Variants in HECW2 observed in about 807,000 individuals in gnomAD.
HECW2 encodes HECT, C2 and WW domain containing E3 ubiquitin protein ligase 2.
In HECW2, 61 loss-of-function variants were observed where a neutral mutation model predicts 175.2. That is an observed-to-expected ratio of 0.35 (90% CI 0.28 to 0.43). The LOEUF (loss-of-function observed/expected upper bound fraction) is 0.43. Among genes scored for constraint, HECW2 ranks in the 20% least tolerant of loss-of-function variants. The pLI, the probability that HECW2 is intolerant of heterozygous loss-of-function variation, is 1.00. For missense variants in HECW2, 1,524 were observed against 2,000.5 expected (o/e 0.76, Z 4.54); for synonymous variants, 671 against 731.0 (o/e 0.92, Z 1.32).
At chr2:196,370,095 T>G (rs1161727824) in intron 2 of HECW2, among the ~76,000 whole-genome samples, 2 of 151,680 alleles carry the variant, frequency 1.3e-5, no homozygotes, top group Non-Finnish European at 1.5e-5. Context: ...AAGGAGTCCC[T>G]CCCCTTAGCT....
chr2:196,294,971 A>C (rs976749602), intron 13 of HECW2, among the ~76,000 whole-genome samples: 2 of 152,234 alleles, frequency 1.3e-5, no homozygotes, highest in Non-Finnish European at 2.9e-5. Context: ...GTCATTAAAT[A>C]CTTGTTCCCT....
intron 21 of HECW2, among the ~76,000 whole-genome samples, chr2:196,230,013 G>C (rs1687992874): frequency 6.6e-6 from 1 of 152,196 alleles, no homozygotes; most frequent in Non-Finnish European, 1.5e-5. Context: ...ATACTGTGCT[G>C]ACAGGGAACC....
intron 1 of HECW2, among the ~76,000 whole-genome samples, chr2:196,554,357 G>A (rs1343198548): frequency 6.6e-6 from 1 of 152,186 alleles, no homozygotes; most frequent in African/African-American, 2.4e-5. Context: ...AATTATGATG[G>A]CAAAAAACAA....
Position 196,307,206 on chromosome 2 carries a change from G to C in HECW2, c.2613C>G (p.Thr871=). The change falls in exon 12 of 29, where the codon ACC becomes ACG. Residue 871 remains threonine, a synonymous_variant. Coordinates refer to ENST00000644978, the MANE Select transcript of HECW2 (RefSeq NM_001348768.2). ...RRYQSIRRTM[T]NERPEENTNA... is the part of the protein sequence containing the mutation. ...TGGTATTTTCCTCAGGCCTCTCATT[G>C]GTCATGGTTCTGCGGATACTCTGAT... 1.2e-6 allele frequency: 2 copies of C among 1,613,378 alleles called. No individual in the cohort carries two copies. The highest frequency in any genetic ancestry group is 8.5e-7 in the Non-Finnish European group (1 of 1,179,380).
At chr2:196,280,897 G>A (rs1415161249) in intron 14 of HECW2, among the ~76,000 whole-genome samples, 2 of 152,296 alleles carry the variant, frequency 1.3e-5, no homozygotes, top group East Asian at 1.9e-4. Flanking sequence ...TCCTCTGTAT[G>A]TAAATGGAGA....
At chr2:196,418,595 G>A (rs1695323302) in intron 2 of HECW2, among the ~76,000 whole-genome samples, 1 of 152,150 alleles carries the variant, frequency 6.6e-6, no homozygotes, top group African/African-American at 2.4e-5. Context: ...ATCTATGACT[G>A]CTTAGAGCAA....
chr2:196,238,470 T>G (rs2105873238), intron 21 of HECW2: 1 of 150,558 alleles, frequency 6.6e-6, no homozygotes, highest in African/African-American at 2.4e-5. Flanking sequence ...TTTATTTTTT[T>G]TAGCTTTCTA....
At chr2:196,257,657 T>C in intron 18 of HECW2, 166 bp downstream of exon 18, 1 of 594,294 alleles carries the variant, frequency 1.7e-6, no homozygotes. Context: ...CAACGTGAAG[T>C]GAATGATCAC....
intron 1 of HECW2, among the ~76,000 whole-genome samples, chr2:196,461,784 G>T (rs1696754640): frequency 6.6e-6 from 1 of 152,064 alleles, no homozygotes; most frequent in Admixed American, 6.6e-5. Context: ...AACGTCATGA[G>T]AACAGCATGG....
chr2:196,567,100 G>C lies in HECW2; in HGVS notation c.-36+26408C>G, dbSNP rs74540529. Among the ~76,000 whole-genome samples, 291 of 152,254 alleles carry C rather than the reference G, an allele frequency of 1.9e-3. 4 individuals are homozygous for C. Among genetic ancestry groups the C allele is most frequent in the African/African-American group, 6.7e-3 (277 of 41,546 alleles). On this transcript the variant is annotated intron_variant, in intron 1 of 28. Transcript: ENST00000644978. ...GATGAAATGTTAGTGGAAGTAACATGCCATTTCCACATCTTGTGCTTCCCT... is the reference window on the plus strand; with the variant it reads ...GATGAAATGTTAGTGGAAGTAACATCCCATTTCCACATCTTGTGCTTCCCT...
chr2:196,332,315 T>A (rs1465849085), intron 4 of HECW2, among the ~76,000 whole-genome samples: 1 of 152,228 alleles, frequency 6.6e-6, no homozygotes, highest in Admixed American at 6.5e-5. Flanking sequence ...TATACCTAGA[T>A]GACCATCATG....
At chr2:196,238,697 G>A (rs957933394) in intron 21 of HECW2, 3 of 152,184 alleles carry the variant, frequency 2.0e-5, no homozygotes, top group Non-Finnish European at 4.4e-5. Context: ...CCTCTCCCTT[G>A]TTTTCCCTCC....
At chr2:196,261,542 C>T (rs1006788120) in intron 17 of HECW2, among the ~76,000 whole-genome samples, 3 of 152,174 alleles carry the variant, frequency 2.0e-5, no homozygotes, top group Admixed American at 2.0e-4. Context: ...CAAGGAGGCA[C>T]ATGCTAGGCC....
intron 2 of HECW2, among the ~76,000 whole-genome samples, chr2:196,365,510 T>C (rs1693719415): frequency 6.6e-6 from 1 of 152,204 alleles, no homozygotes. Context: ...GAACCCTGTG[T>C]TCCTAAAGCA....
intron 2 of HECW2, among the ~76,000 whole-genome samples, chr2:196,418,290 A>G (rs1440173388): frequency 6.6e-6 from 1 of 151,932 alleles, no homozygotes; most frequent in East Asian, 1.9e-4. Context: ...CACCACACCC[A>G]GCTAATTTTT....
intron 13 of HECW2, among the ~76,000 whole-genome samples, chr2:196,306,261 G>A (rs1239213592): frequency 6.6e-6 from 1 of 152,140 alleles, no homozygotes; most frequent in Non-Finnish European, 1.5e-5. Flanking sequence ...AATTTCTGTT[G>A]CTTATAGGCC....
chr2:196,444,324 C>A (rs1482455199), intron 1 of HECW2, among the ~76,000 whole-genome samples: 2 of 152,162 alleles, frequency 1.3e-5, no homozygotes, highest in Non-Finnish European at 2.9e-5. Context: ...AAAACTTAAG[C>A]TCCTAGTTAC....
At chr2:196,583,773 G>T (rs1355963836) in intron 1 of HECW2, among the ~76,000 whole-genome samples, 2 of 152,150 alleles carry the variant, frequency 1.3e-5, no homozygotes, top group African/African-American at 2.4e-5. Flanking sequence ...TAGCCATTAG[G>T]CATTGGTTAT....
At chr2:196,466,515 C>T (rs1696960821) in intron 1 of HECW2, among the ~76,000 whole-genome samples, 1 of 152,172 alleles carries the variant, frequency 6.6e-6, no homozygotes, top group African/African-American at 2.4e-5. Context: ...GCCCTCAGGG[C>T]ACTTCCAAAA....
Sources: gnomAD v4.1 joint callset for allele counts (sites outside exome capture counted in the v4.1 genomes callset) on GRCh38, gnomAD v4.1.1 for gene constraint, MANE v1.5 for transcripts, NCBI Gene and HGNC (gene_info 2026-07-23, HGNC 2026-07-21) for gene names.